The following NEK10 variants were observed in gnomAD, a reference collection of about 807,000 sequenced individuals.
NEK10 encodes serine/threonine-protein kinase Nek10.
NEK10 carries 122 observed loss-of-function variants against 159.8 expected under a neutral mutation model. The ratio of observed to expected loss-of-function variants is 0.76; its 90% CI spans 0.66 to 0.89. The LOEUF (loss-of-function observed/expected upper bound fraction) is 0.89. Ranked by LOEUF, NEK10 falls within the 40% of genes least tolerant of loss-of-function variation. The probability of loss-of-function intolerance (pLI) is 0.00; values close to 1 mark genes in which losing one functional copy is unlikely to be tolerated. For missense variants in NEK10, 1,342 were observed against 1,323.1 expected (o/e 1.01, Z -0.22); for synonymous variants, 466 against 457.1 (o/e 1.02, Z -0.25).
intron 23 of NEK10, among the ~76,000 whole-genome samples, chr3:27,207,099 C>T (rs1950603281): frequency 6.6e-6 from 1 of 152,162 alleles, no homozygotes. Flanking sequence ...CCCAGGGAAC[C>T]TTTCTGATGT....
chr3:27,161,399 G>A (rs532580246), intron 30 of NEK10, among the ~76,000 whole-genome samples: 1 of 152,298 alleles, frequency 6.6e-6, no homozygotes, highest in South Asian at 2.1e-4. Flanking sequence ...TTTAATAAAT[G>A]TGGAGACATG....
chr3:27,290,513 T>A (rs934457100), intron 19 of NEK10, 104 bp downstream of exon 19: 3 of 802,960 alleles, frequency 3.7e-6, no homozygotes, highest in Admixed American at 6.5e-5. Context: ...TTATTTCACA[T>A]GGAACTAGTT....
chr3:27,331,262 A>AAAAAAAAAAAAAAAAAACAC, intron 5 of NEK10, among the ~76,000 whole-genome samples: 11 of 110,144 alleles, frequency 1.0e-4, no homozygotes, highest in South Asian at 3.4e-4. Context: ...AAAAAAAAAA[A>AAAAAAAAAAAAAAAAAACAC]ACACACAAAC....
chr3:27,123,732 A>C (rs1305068176), intron 32 of NEK10, among the ~76,000 whole-genome samples: 1 of 152,196 alleles, frequency 6.6e-6, no homozygotes, highest in Non-Finnish European at 1.5e-5. Flanking sequence ...GATTTGACTT[A>C]GTCAGCAAAG....
chr3:27,322,150 A>AG (rs1391733898), intron 6 of NEK10, 27 bp downstream of exon 6: 1 of 1,290,408 alleles, frequency 7.7e-7, no homozygotes, highest in African/African-American at 1.5e-5. Flanking sequence ...AACAAGTAAA[A>AG]AAAAAAATTG....
intron 23 of NEK10, among the ~76,000 whole-genome samples, chr3:27,233,381 T>C (rs1397811180): frequency 1.3e-5 from 2 of 151,816 alleles, no homozygotes; most frequent in Non-Finnish European, 2.9e-5. Context: ...AATTAAAACG[T>C]TTTTTTAAAA....
chr3:27,190,795 A>G (rs1949040596), intron 26 of NEK10, among the ~76,000 whole-genome samples: 1 of 152,230 alleles, frequency 6.6e-6, no homozygotes, highest in African/African-American at 2.4e-5. Context: ...CATGACATAC[A>G]TAGAATGATG....
chr3:27,135,920 A>G (rs1302084477), intron 31 of NEK10, among the ~76,000 whole-genome samples: 1 of 152,168 alleles, frequency 6.6e-6, no homozygotes, highest in Non-Finnish European at 1.5e-5. Flanking sequence ...AGTCTTATCC[A>G]TCACTACTGC....
At chr3:27,276,117 A>G (rs1437150095) in intron 22 of NEK10, among the ~76,000 whole-genome samples, 1 of 151,958 alleles carries the variant, frequency 6.6e-6, no homozygotes, top group Non-Finnish European at 1.5e-5. Flanking sequence ...TTCCACCTGG[A>G]TGTGTTTTTG....
intron 35 of NEK10, among the ~76,000 whole-genome samples, chr3:27,114,957 C>T (rs989501630): frequency 9.2e-5 from 14 of 152,150 alleles, no homozygotes; most frequent in Non-Finnish European, 2.1e-4. Flanking sequence ...CTTCAAAGCA[C>T]GCTGGCAGAT....
At chr3:27,258,766 T>C (rs2040122275) in intron 22 of NEK10, among the ~76,000 whole-genome samples, 1 of 152,232 alleles carries the variant, frequency 6.6e-6, no homozygotes, top group Non-Finnish European at 1.5e-5. Flanking sequence ...ATGCTATTTC[T>C]AGTTCTAGAT....
At position 27,174,734 on chromosome 3, in the gene NEK10, G is replaced by A. The variant is rs1219614759; in HGVS notation, c.2605C>T (p.Gln869Ter). 2.5e-6 allele frequency: 4 copies of A among 1,613,642 alleles called. No individual in the cohort carries two copies. The South Asian group carries it at 4.4e-5, about 18-fold the overall frequency. ...TCTTCGTCTTTACCATAGGAGGCCT[G>A]GAAGCCTTCAGGGGGCAGGTCTGCG... ...ESADLPPEGF[Q>*]ASYGKDEDRA... The change falls in exon 27 of 36, where the codon CAG (glutamine) becomes TAG (stop). Residue 869 changes from glutamine (Q) to a stop codon, truncating the protein, a stop_gained. Transcript: ENST00000691995. LOFTEE classifies it high-confidence loss of function.
At chr3:27,216,127 G>A (rs1233340238) in intron 23 of NEK10, among the ~76,000 whole-genome samples, 1 of 152,132 alleles carries the variant, frequency 6.6e-6, no homozygotes, top group African/African-American at 2.4e-5. Flanking sequence ...TTTCTCTACT[G>A]TCTCAAATTT....
rs1041331330 is a variant in NEK10 at position 27,354,639 on chromosome 3, C to T, written c.-37-1720G>A. Among the ~76,000 whole-genome samples, 5 of 152,254 alleles carry T rather than the reference C, an allele frequency of 3.3e-5. No homozygotes were observed. In the South Asian group the frequency reaches 1.0e-3, roughly 32 times the overall value. ...TGATTACATTATACTAATGTCTACA[C>T]TATAATACAAAATGGGAGATGGGGG... On this transcript the variant is annotated intron_variant, in intron 1 of 35. Coordinates refer to ENST00000691995, the MANE Select transcript of NEK10 (RefSeq NM_001394966.1).
intron 23 of NEK10, among the ~76,000 whole-genome samples, chr3:27,232,642 A>G (rs538517073): frequency 6.6e-6 from 1 of 152,264 alleles, no homozygotes; most frequent in Admixed American, 6.5e-5. Context: ...TGGAGGCATC[A>G]CATTACCAGA....
chr3:27,257,933 A>C (rs11129275), intron 22 of NEK10, among the ~76,000 whole-genome samples: 38,894 of 151,248 alleles, frequency 0.26, 5,152 homozygotes, highest in Middle Eastern at 0.38. Context: ...GGACTACAGG[A>C]GCCCGCCAGC....
intron 32 of NEK10, among the ~76,000 whole-genome samples, chr3:27,123,585 T>C (rs73141405): frequency 0.025 from 3,842 of 152,206 alleles, 158 homozygotes; most frequent in African/African-American, 0.087. Flanking sequence ...CATTAATGGA[T>C]AAAAATTATA....
intron 32 of NEK10, among the ~76,000 whole-genome samples, chr3:27,120,747 T>C (rs1166056273): frequency 6.6e-6 from 1 of 152,198 alleles, no homozygotes; most frequent in African/African-American, 2.4e-5. Context: ...TTTATTAAAG[T>C]TTCAATCATT....
chr3:27,355,094 G>A (rs2048239764), intron 1 of NEK10, among the ~76,000 whole-genome samples: 1 of 152,218 alleles, frequency 6.6e-6, no homozygotes. Context: ...TGTGGGTAAT[G>A]AAGGTAAAGG....
Sources: gnomAD v4.1 joint callset for allele counts (sites outside exome capture counted in the v4.1 genomes callset) on GRCh38, gnomAD v4.1.1 for gene constraint, MANE v1.5 for transcripts, NCBI Gene and HGNC (gene_info 2026-07-23, HGNC 2026-07-21) for gene names.